ZNRF3: variants seen among roughly 807,000 people sequenced by gnomAD.
ZNRF3 encodes the protein zinc and ring finger 3, also known as E3 ubiquitin-protein ligase ZNRF3.
Under a neutral mutation model 72.5 loss-of-function variants are expected in ZNRF3, and 23 were observed. The ratio of observed to expected loss-of-function variants is 0.32; its 90% CI spans 0.23 to 0.45. ZNRF3 has a LOEUF of 0.45. Ranked by LOEUF, ZNRF3 falls within the 20% of genes least tolerant of loss-of-function variation. The pLI is 1.00. For synonymous variants in ZNRF3, 610 were observed against 545.3 expected (o/e 1.12, Z -1.65); for missense variants, 1,169 against 1,272.1 (o/e 0.92, Z 1.23).
intron 5 of ZNRF3, 150 bp from the exon 6 acceptor site, chr22:29,046,566 C>T (rs1029856965): frequency 3.8e-6 from 3 of 779,300 alleles, no homozygotes; most frequent in Non-Finnish European, 5.7e-6. Context: ...TGTGCTATGG[C>T]AGTCTGAGTT....
In ZNRF3 at chr22:28,959,466, T is replaced by C. The variant is rs375403859; in HGVS notation, c.301-27610T>C. Among the ~76,000 whole-genome samples the C allele has an allele frequency of 2.0e-3, 311 of 152,372 alleles. 12 individuals carry two copies. In the South Asian group the frequency reaches 0.062, roughly 30 times the overall value. On this transcript the variant is annotated intron_variant, in intron 1 of 8. Coordinates refer to ENST00000544604, the MANE Select transcript of ZNRF3 (RefSeq NM_001206998.2). Reference sequence around the variant, plus strand: ...GTTACTCATTCACCAAGGCACATGCTTGTGTCTAGAAGTAATACCATCATG... The same window carrying C: ...GTTACTCATTCACCAAGGCACATGCCTGTGTCTAGAAGTAATACCATCATG...
intron 1 of ZNRF3, among the ~76,000 whole-genome samples, chr22:28,905,037 G>A (rs1298512965): frequency 6.6e-6 from 1 of 151,324 alleles, no homozygotes; most frequent in Non-Finnish European, 1.5e-5. Context: ...ATCTCCTCAA[G>A]TGATCCTTCT....
At chr22:28,890,305 C>G (rs980280547) in intron 1 of ZNRF3, among the ~76,000 whole-genome samples, 1 of 152,126 alleles carries the variant, frequency 6.6e-6, no homozygotes, top group Admixed American at 6.5e-5. Flanking sequence ...TCGAGACAAT[C>G]CTGGCTGACA....
chr22:28,916,801 A>C (rs146458736), intron 1 of ZNRF3, among the ~76,000 whole-genome samples: 1 of 152,228 alleles, frequency 6.6e-6, no homozygotes, highest in Non-Finnish European at 1.5e-5. Context: ...CTTCTGCTAA[A>C]TTGTGGTTTG....
At chr22:29,019,096 G>A (rs1480848811) in intron 2 of ZNRF3, among the ~76,000 whole-genome samples, 2 of 151,758 alleles carry the variant, frequency 1.3e-5, no homozygotes, top group Non-Finnish European at 2.9e-5. Context: ...TTACATGATA[G>A]TTCTCAGGGT....
chr22:28,972,797 T>C (rs2035601342), intron 1 of ZNRF3, among the ~76,000 whole-genome samples: 1 of 152,214 alleles, frequency 6.6e-6, no homozygotes, highest in Admixed American at 6.5e-5. Flanking sequence ...CTCATTATGG[T>C]TTTGATTTGC....
intron 1 of ZNRF3, among the ~76,000 whole-genome samples, chr22:28,911,787 A>G (rs2034324161): frequency 6.6e-6 from 1 of 152,030 alleles, no homozygotes; most frequent in African/African-American, 2.4e-5. Context: ...TTTGGGCTCC[A>G]TCTGTTGACT....
chr22:29,046,274 C>T (rs1429916798), intron 5 of ZNRF3, among the ~76,000 whole-genome samples: 1 of 152,172 alleles, frequency 6.6e-6, no homozygotes, highest in Non-Finnish European at 1.5e-5. Flanking sequence ...TGAGCGACCA[C>T]CCCCAACAAG....
At chr22:28,997,164 C>T (rs2036058129) in intron 2 of ZNRF3, among the ~76,000 whole-genome samples, 1 of 152,140 alleles carries the variant, frequency 6.6e-6, no homozygotes, top group African/African-American at 2.4e-5. Flanking sequence ...GTCTTGGCCT[C>T]ACCAGGCCTT....
At chr22:28,920,496 C>G (rs1174539184) in intron 1 of ZNRF3, among the ~76,000 whole-genome samples, 1 of 152,146 alleles carries the variant, frequency 6.6e-6, no homozygotes, top group African/African-American at 2.4e-5. Context: ...GTCTCGAACT[C>G]CTGACCTCAA....
At chr22:28,986,022 C>A (rs1466790552) in intron 1 of ZNRF3, among the ~76,000 whole-genome samples, 1 of 152,242 alleles carries the variant, frequency 6.6e-6, no homozygotes, top group Non-Finnish European at 1.5e-5. Flanking sequence ...CACATCTGTT[C>A]TCCATCTTTC....
At chr22:29,036,590 C>T (rs952320987) in intron 2 of ZNRF3, among the ~76,000 whole-genome samples, 24 of 152,162 alleles carry the variant, frequency 1.6e-4, no homozygotes, top group African/African-American at 4.8e-4. Context: ...TCTATCTTGT[C>T]ATTTATGCAG....
At chr22:28,923,638 C>G (rs974620273) in intron 1 of ZNRF3, among the ~76,000 whole-genome samples, 1 of 152,192 alleles carries the variant, frequency 6.6e-6, no homozygotes, top group Non-Finnish European at 1.5e-5. Context: ...CCGCTTGTTT[C>G]ACTTACACCC....
intron 2 of ZNRF3, among the ~76,000 whole-genome samples, chr22:29,008,259 G>C (rs2036293300): frequency 6.6e-6 from 1 of 152,134 alleles, no homozygotes; most frequent in South Asian, 2.1e-4. Context: ...AGTCTGGCCA[G>C]GGCACCACAA....
At chr22:29,017,520 A>C (rs188997647) in intron 2 of ZNRF3, among the ~76,000 whole-genome samples, 185 of 152,334 alleles carry the variant, frequency 1.2e-3, no homozygotes, top group African/African-American at 4.3e-3. Context: ...ACGCAGACCA[A>C]TAATTTCTGA....
chr22:28,886,795 CAA>C (rs948371911), intron 1 of ZNRF3, among the ~76,000 whole-genome samples: 2 of 140,868 alleles, frequency 1.4e-5, no homozygotes, highest in Non-Finnish European at 1.6e-5. Context: ...CTGGTCTCTA[CAA>C]AAAAAAAAAG....
intron 2 of ZNRF3, among the ~76,000 whole-genome samples, chr22:28,995,336 A>G (rs2036028840): frequency 6.6e-6 from 1 of 152,198 alleles, no homozygotes; most frequent in African/African-American, 2.4e-5. Flanking sequence ...CAGGAGGCTG[A>G]GGCAGGAGAA....
At chr22:28,895,584 A>G (rs929310385) in intron 1 of ZNRF3, among the ~76,000 whole-genome samples, 6 of 152,086 alleles carry the variant, frequency 3.9e-5, no homozygotes, top group Admixed American at 6.5e-5. Context: ...GGAGAATGGC[A>G]TGAACCTGGG....
chr22:28,969,623 T>C (rs963615071), intron 1 of ZNRF3, among the ~76,000 whole-genome samples: 3 of 151,872 alleles, frequency 2.0e-5, no homozygotes, highest in Non-Finnish European at 4.4e-5. Flanking sequence ...AAGAGAGGGG[T>C]CAAAGGTCAT....
Sources: allele counts gnomAD v4.1 joint callset (sites outside exome capture counted in the v4.1 genomes callset), GRCh38; gene constraint gnomAD v4.1.1; transcripts MANE v1.5; gene names NCBI Gene and HGNC (gene_info 2026-07-23, HGNC 2026-07-21).